Variants in MED16 observed in about 807,000 individuals in gnomAD.
The protein encoded by MED16 is mediator complex subunit 16.
MED16 carries 81 observed loss-of-function variants against 84.4 expected under a neutral mutation model. The ratio of observed to expected loss-of-function variants is 0.96; its 90% CI spans 0.80 to 1.15. MED16 has a LOEUF of 1.15. Among genes scored for constraint, MED16 ranks in the 50% most tolerant of loss-of-function variants. The pLI is 0.00. For missense variants in MED16, 1,585 were observed against 1,245.9 expected, an observed-to-expected ratio of 1.27 and a Z score of -4.10; for synonymous variants, 897 against 552.2, an observed-to-expected ratio of 1.62 and a Z score of -8.76.
Position 871,984 on chromosome 19 carries a change from C to T in MED16, c.2040G>A (p.Ser680=), listed in dbSNP as rs181993400. 3.0e-5 allele frequency: 48 copies of T among 1,607,562 alleles called. No individual in the cohort carries two copies. In the Admixed American group the frequency reaches 6.4e-4, roughly 21 times the overall value. ...GCAGGGACATGCTGTCCTGGGTATC[C>T]GAGGTGGCCGTATACACGGGCAGGC... The part of the protein sequence containing the change: ...PSCLPVYTAT[S]DTQDSMSLLF... Residue 680 remains serine (S), a synonymous_variant, in exon 12 of 16, where the codon TCG becomes TCA. Transcript: ENST00000325464.
intron 13 of MED16, 75 bp from the exon 14 acceptor site, chr19:869,021 A>AGGCGGGGGT: frequency 7.6e-7 from 1 of 1,321,682 alleles, no homozygotes; most frequent in Non-Finnish European, 1.0e-6. Flanking sequence ...ATCTGTCCAC[A>AGGCGGGGGT]GGCGGGGGTG....
chr19:873,243 G>C (rs1177211814), intron 11 of MED16, among the ~76,000 whole-genome samples: 2 of 147,276 alleles, frequency 1.4e-5, no homozygotes, highest in African/African-American at 2.5e-5. Flanking sequence ...ACTCCAAGTA[G>C]GGGTGGGACT....
intron 13 of MED16, 23 bp downstream of exon 13, chr19:871,014 G>A (rs777412850): frequency 3.0e-5 from 46 of 1,524,822 alleles, no homozygotes; most frequent in Non-Finnish European, 3.7e-5. Context: ...TGTGTTTGGG[G>A]ACCAATGCAG....
chr19:884,247 A>T (rs533398133), intron 6 of MED16, among the ~76,000 whole-genome samples: 55 of 152,242 alleles, frequency 3.6e-4, no homozygotes, highest in African/African-American at 1.2e-3. Context: ...GGCTCTGAAA[A>T]CCAAGCGGCT....
chr19:877,621 G>A (rs892461283), intron 8 of MED16, among the ~76,000 whole-genome samples: 2 of 94,058 alleles, frequency 2.1e-5, no homozygotes, highest in Non-Finnish European at 4.9e-5. Context: ...TCCCCCGGGG[G>A]CGCCTCCCTC....
intron 11 of MED16, among the ~76,000 whole-genome samples, 187 bp from the exon 12 acceptor site, chr19:872,305 G>C (rs540215536): frequency 6.2e-4 from 95 of 152,106 alleles, no homozygotes; most frequent in African/African-American, 2.1e-3. Context: ...TCAGAGCCCT[G>C]CAGGGCCCAG....
rs541821935 is a variant in MED16 at position 868,283 on chromosome 19, G to A, written c.2484-32C>T. ...GGCGGGCTGAGGTTAACCGCGCCGA[G>A]GAGAGTCCAGGGCGAGCGGTGGCTC... On this transcript the variant is annotated intron_variant, in intron 15 of 15. Coordinates refer to ENST00000325464, the MANE Select transcript of MED16 (RefSeq NM_005481.3). 14 of 1,588,972 alleles carry A rather than the reference G, an allele frequency of 8.8e-6. No homozygotes were observed. In the Admixed American group the frequency reaches 2.1e-4, roughly 24 times the overall value.
At chr19:885,340 T>C (rs1054215178) in intron 5 of MED16, among the ~76,000 whole-genome samples, 2 of 152,048 alleles carry the variant, frequency 1.3e-5, no homozygotes, top group Non-Finnish European at 2.9e-5. Flanking sequence ...GGCTCAACAG[T>C]GGCCCCCAGA....
At chr19:872,552 C>CCGTGATGGG (rs1412115677) in intron 11 of MED16, among the ~76,000 whole-genome samples, 1 of 151,844 alleles carries the variant, frequency 6.6e-6, no homozygotes, top group Non-Finnish European at 1.5e-5. Context: ...TTCAAACCGT[C>CCGTGATGGG]CGTGATGGGC....
At chr19:876,182 G>A (rs2036224498) in intron 9 of MED16, among the ~76,000 whole-genome samples, 1 of 152,126 alleles carries the variant, frequency 6.6e-6, no homozygotes, top group Admixed American at 6.5e-5. Context: ...TGATGGCACA[G>A]AGGAAAACAA....
rs749248802 is a variant in MED16 at position 876,964 on chromosome 19, G to T, written c.1560+10C>A. 6.3e-7 allele frequency: 1 copy of T among 1,598,908 alleles called. No individual in the cohort carries two copies. Among genetic ancestry groups the T allele is most frequent in the Admixed American group, 1.7e-5 (1 of 59,066 alleles). On this transcript the variant is annotated intron_variant, in intron 9 of 15. Coordinates refer to ENST00000325464, the MANE Select transcript of MED16 (RefSeq NM_005481.3). ...CCTGCCACGGGGCCCCACCTGCCACGGGCCCCCACCTGCTGCAGGGCAGCG... is the reference window on the plus strand; with the variant it reads ...CCTGCCACGGGGCCCCACCTGCCACTGGCCCCCACCTGCTGCAGGGCAGCG...
intron 4 of MED16, among the ~76,000 whole-genome samples, chr19:887,354 C>T (rs1479486355): frequency 1.3e-5 from 2 of 152,058 alleles, no homozygotes; most frequent in African/African-American, 4.8e-5. Flanking sequence ...GCACATGTGC[C>T]TTTTATTAAT....
At chr19:885,301 A>G (rs912548079) in intron 5 of MED16, among the ~76,000 whole-genome samples, 46 of 152,192 alleles carry the variant, frequency 3.0e-4, no homozygotes, top group African/African-American at 1.1e-3. Context: ...TCCTAATTAC[A>G]ACAGGAATCC....
intron 1 of MED16, among the ~76,000 whole-genome samples, chr19:891,560 G>A (rs113705969): frequency 7.4e-4 from 113 of 152,328 alleles, no homozygotes; most frequent in Non-Finnish European, 1.3e-3. Context: ...ACAGGCAAGC[G>A]GTGGGGCGGC....
intron 2 of MED16, among the ~76,000 whole-genome samples, chr19:890,743 G>T (rs1345873020): frequency 6.6e-6 from 1 of 152,192 alleles, no homozygotes; most frequent in Non-Finnish European, 1.5e-5. Flanking sequence ...CCCGCACACG[G>T]GGCGATCTCA....
intron 13 of MED16, among the ~76,000 whole-genome samples, chr19:870,496 C>T (rs143896429): frequency 0.012 from 1,728 of 149,742 alleles, 16 homozygotes; most frequent in South Asian, 0.014. Flanking sequence ...GAGAGGCAGA[C>T]GTTGCAGTGG....
At position 890,240 on chromosome 19, in the gene MED16, C is replaced by A; in HGVS notation, c.174G>T (p.Leu58=). ...TMDLRSDDQD[L]TRMIHILDTE... is the part of the protein sequence containing the mutation. ...TGTCCAGGATGTGGATCATGCGGGT[C>A]AGGTCTGTGGGGACGGGGCATGGTC... The change falls in exon 3 of 16, where the codon CTG becomes CTT. Residue 58 remains leucine, a synonymous_variant. Coordinates refer to ENST00000325464, the MANE Select transcript of MED16 (RefSeq NM_005481.3). The A allele has an allele frequency of 6.5e-7, 1 of 1,547,826 alleles. No individual in the cohort carries two copies.
At chr19:877,660 C>T (rs1468903242) in intron 8 of MED16, among the ~76,000 whole-genome samples, 1 of 147,950 alleles carries the variant, frequency 6.8e-6, no homozygotes, top group Non-Finnish European at 1.5e-5. Context: ...AGCCCCAGCC[C>T]CAGACCCACG....
chr19:875,497 G>T, intron 9 of MED16, 43 bp from the exon 10 acceptor site: 1 of 1,505,658 alleles, frequency 6.6e-7, no homozygotes, highest in Non-Finnish European at 9.0e-7. Flanking sequence ...CCGGAGCAGA[G>T]GCGCCCGCCA....
Sources: allele counts gnomAD v4.1 joint callset (sites outside exome capture counted in the v4.1 genomes callset), GRCh38; gene constraint gnomAD v4.1.1; transcripts MANE v1.5; gene names NCBI Gene and HGNC (gene_info 2026-07-23, HGNC 2026-07-21).